The following AFAP1 variants were observed in gnomAD, a reference collection of about 807,000 sequenced individuals.
The protein encoded by AFAP1 is actin filament-associated protein 1.
AFAP1 carries 75 observed loss-of-function variants against 93.9 expected under a neutral mutation model. The ratio of observed to expected loss-of-function variants is 0.80; its 90% confidence interval spans 0.66 to 0.97. The LOEUF is 0.97. Ranked by LOEUF, AFAP1 falls within the 50% of genes least tolerant of loss-of-function variation. The pLI is 0.00. For missense variants in AFAP1, 1,201 were observed against 1,050.8 expected (o/e 1.14, Z -1.98); for synonymous variants, 517 against 430.7 (o/e 1.20, Z -2.48).
At chr4:7,845,319 G>A (rs1249640148) in intron 4 of AFAP1, among the ~76,000 whole-genome samples, 1 of 152,112 alleles carries the variant, frequency 6.6e-6, no homozygotes, top group Non-Finnish European at 1.5e-5. Flanking sequence ...CTACTCAAGA[G>A]GCTGAGGCAG....
At chr4:7,872,328 G>A (rs972987594) in intron 1 of AFAP1, 22 of 409,276 alleles carry the variant, frequency 5.4e-5, no homozygotes, top group Non-Finnish European at 9.5e-5. Flanking sequence ...TCCAAAGCCA[G>A]GCTGCCAACA....
intron 16 of AFAP1, among the ~76,000 whole-genome samples, chr4:7,771,621 G>A (rs570082894): frequency 1.2e-4 from 18 of 152,252 alleles, no homozygotes; most frequent in East Asian, 7.7e-4. Context: ...TCTATGCAGC[G>A]ACCGTTATTA....
intron 10 of AFAP1, among the ~76,000 whole-genome samples, chr4:7,798,035 CAAAAGTT>C (rs1718608119): frequency 6.6e-6 from 1 of 152,162 alleles, no homozygotes; most frequent in Admixed American, 6.5e-5. Flanking sequence ...TATCTCAAAA[CAAAAGTT>C]AAAATAAAAG....
chr4:7,851,044 C>CA (rs1296433343), intron 4 of AFAP1, among the ~76,000 whole-genome samples: 2 of 152,204 alleles, frequency 1.3e-5, no homozygotes, highest in Non-Finnish European at 2.9e-5. Context: ...ATGAAACCCT[C>CA]ACTGCTCCGC....
chr4:7,913,359 C>A (rs1418368966), intron 1 of AFAP1, among the ~76,000 whole-genome samples: 7 of 144,054 alleles, frequency 4.9e-5, no homozygotes, highest in Non-Finnish European at 4.5e-5. Context: ...CACTACACTC[C>A]AGCCTGGGAG....
chr4:7,821,656 G>A (rs1343258686), intron 6 of AFAP1, among the ~76,000 whole-genome samples: 1 of 152,180 alleles, frequency 6.6e-6, no homozygotes, highest in Non-Finnish European at 1.5e-5. Flanking sequence ...GGACTAAGCT[G>A]CAATTTCAGT....
chr4:7,891,112 C>A (rs1437601359), intron 1 of AFAP1, among the ~76,000 whole-genome samples: 1 of 152,144 alleles, frequency 6.6e-6, no homozygotes, highest in African/African-American at 2.4e-5. Context: ...ATAAACTACT[C>A]ACACACATAA....
chr4:7,761,424 G>C lies in AFAP1; in HGVS notation c.*2341C>G, dbSNP rs1713778447. 1.3e-5 allele frequency: 2 copies of C among 152,270 alleles called. No individual in the cohort carries two copies. The highest frequency in any genetic ancestry group is 4.8e-5 in the African/African-American group (2 of 41,468). 9.4% of individuals were successfully genotyped at this position (152,270 alleles called of 1,614,324 possible). On this transcript the variant is annotated 3_prime_UTR_variant, in exon 18 of 18. Transcript: ENST00000420658. The stretch of plus-strand genomic sequence containing the variant: ...CATGCTGGGAGTCGAGCACCAATCA[G>C]CTGTGCCGTTGGGCAAGTCCCTGCT...
At chr4:7,826,101 G>A (rs79908004) in intron 6 of AFAP1, among the ~76,000 whole-genome samples, 1,643 of 152,294 alleles carry the variant, frequency 0.011, 28 homozygotes, top group African/African-American at 0.037. Flanking sequence ...TAGAATGGTG[G>A]GTGAAGGGGG....
chr4:7,867,082 G>A (rs1716490451), intron 3 of AFAP1, among the ~76,000 whole-genome samples: 1 of 88,838 alleles, frequency 1.1e-5, no homozygotes, highest in Non-Finnish European at 2.5e-5. Context: ...AGAAGGGAGG[G>A]GAGGAGAGGG....
At chr4:7,768,777 C>A in intron 17 of AFAP1, 67 bp downstream of exon 17, 2 of 1,474,502 alleles carry the variant, frequency 1.4e-6, no homozygotes, top group Non-Finnish European at 1.8e-6. Context: ...CTACTCACAC[C>A]CGAGAATGCT....
chr4:7,923,534 A>G (rs955494282), intron 1 of AFAP1, among the ~76,000 whole-genome samples: 9 of 152,180 alleles, frequency 5.9e-5, no homozygotes, highest in African/African-American at 2.2e-4. Context: ...GCTGGAGTAC[A>G]GTGGCACGAT....
intron 12 of AFAP1, among the ~76,000 whole-genome samples, chr4:7,784,664 G>A (rs955878271): frequency 6.6e-6 from 1 of 152,220 alleles, no homozygotes; most frequent in South Asian, 2.1e-4. Context: ...AGGAGGAGGC[G>A]GCCAATGGGA....
chr4:7,781,275 C>A, intron 13 of AFAP1, 101 bp downstream of exon 13: 1 of 1,387,690 alleles, frequency 7.2e-7, no homozygotes, highest in South Asian at 1.5e-5. Flanking sequence ...ACACATTATG[C>A]TTTGCCTTTG....
intron 1 of AFAP1, among the ~76,000 whole-genome samples, chr4:7,902,984 T>C (rs139800889): frequency 4.6e-5 from 7 of 152,380 alleles, no homozygotes; most frequent in Middle Eastern, 3.4e-3. Flanking sequence ...GTATCATTTC[T>C]ACTCAAGTAC....
intron 1 of AFAP1, among the ~76,000 whole-genome samples, chr4:7,889,555 A>G (rs897270275): frequency 1.4e-5 from 2 of 147,828 alleles, no homozygotes; most frequent in Admixed American, 6.7e-5. Context: ...AAAAAAAAAA[A>G]AAAGAAAAAA....
chr4:7,837,226 G>A (rs1263774096), intron 6 of AFAP1, among the ~76,000 whole-genome samples: 1 of 152,174 alleles, frequency 6.6e-6, no homozygotes, highest in Non-Finnish European at 1.5e-5. Context: ...AGAGACTCTA[G>A]GACTGAACAC....
chr4:7,870,270 CCTTGTGGGATG>C (rs1167244015), intron 2 of AFAP1, among the ~76,000 whole-genome samples: 1 of 152,144 alleles, frequency 6.6e-6, no homozygotes, highest in Non-Finnish European at 1.5e-5. Context: ...TGATAAAGGG[CCTTGTGGGATG>C]GCCGAAGGAG....
chr4:7,939,606 AGAGACCCCCGCCGGGTCCG>A lies in AFAP1; in HGVS notation c.-3+31_-3+49del, dbSNP rs1171175148. The A allele has an allele frequency of 7.3e-6, 3 of 408,380 alleles. No individual in the cohort carries two copies. Among genetic ancestry groups the A allele is most frequent in the Non-Finnish European group, 9.7e-6 (2 of 207,236 alleles). The allele number at this position is 408,380 out of a possible 1,614,324, so 25.3% of individuals were successfully genotyped here. ...CGCTCGGAGCTTCCACGCCCGGGGCAGAGACCCCCGCCGGGTCCGGAGACCCTGCCGCCAGTCGCGCCGT... is the reference window on the plus strand; with the variant it reads ...CGCTCGGAGCTTCCACGCCCGGGGCAGAGACCCTGCCGCCAGTCGCGCCGT... On this transcript the variant is annotated intron_variant, in intron 1 of 17. Coordinates refer to ENST00000420658, the MANE Select transcript of AFAP1 (RefSeq NM_001134647.2). The surrounding 1 kb of genome is among the most constrained non-coding windows in gnomAD (Gnocchi z 5.6).
Sources: gnomAD v4.1 joint callset for allele counts (sites outside exome capture counted in the v4.1 genomes callset) on GRCh38, gnomAD v4.1.1 for gene constraint, Gnocchi (gnomAD v3.1) non-coding constraint, MANE v1.5 for transcripts, NCBI Gene and HGNC (gene_info 2026-07-23, HGNC 2026-07-21) for gene names.